The following CALD1 variants were observed in gnomAD, a reference collection of about 807,000 sequenced individuals.
CALD1 encodes the protein caldesmon.
Under a neutral mutation model 99.9 loss-of-function variants are expected in CALD1, and 33 were observed. The observed-to-expected ratio is 0.33, with a 90% confidence interval of 0.25 to 0.44. The LOEUF (loss-of-function observed/expected upper bound fraction) is 0.44, where lower values mean the gene tolerates loss of function less well. Among genes scored for constraint, CALD1 ranks in the 20% least tolerant of loss-of-function variants. The pLI is 1.00. For synonymous variants in CALD1, 310 were observed against 325.0 expected (o/e 0.95, Z 0.50); for missense variants, 861 against 962.1 (o/e 0.89, Z 1.39).
chr7:134,862,012 CAAT>C (rs1295296146), intron 2 of CALD1, among the ~76,000 whole-genome samples: 1 of 152,174 alleles, frequency 6.6e-6, no homozygotes. Context: ...AAAGCACTAA[CAAT>C]AAATTAACAG....
chr7:134,793,009 T>A (rs532230480), intron 1 of CALD1, among the ~76,000 whole-genome samples: 2 of 152,360 alleles, frequency 1.3e-5, no homozygotes, highest in South Asian at 4.1e-4. Flanking sequence ...AAGTACAGCT[T>A]CACATACTGT....
chr7:134,891,718 T>A, intron 3 of CALD1: 1 of 1,294,118 alleles, frequency 7.7e-7, no homozygotes, highest in Non-Finnish European at 1.1e-6. Context: ...TTCTTTTTTT[T>A]TTTTATAAAA....
At chr7:134,943,558 T>C (rs1350154894) in intron 7 of CALD1, among the ~76,000 whole-genome samples, 4 of 152,084 alleles carry the variant, frequency 2.6e-5, no homozygotes, top group African/African-American at 9.7e-5. Context: ...ATACCAAGGG[T>C]TTTATAGAAA....
intron 3 of CALD1, among the ~76,000 whole-genome samples, chr7:134,924,890 G>A (rs974415082): frequency 6.6e-6 from 1 of 151,994 alleles, no homozygotes; most frequent in Non-Finnish European, 1.5e-5. Context: ...GTTTTATAAG[G>A]GGGGGCTCTT....
intron 1 of CALD1, among the ~76,000 whole-genome samples, chr7:134,808,085 G>T (rs1029279927): frequency 6.8e-6 from 1 of 146,972 alleles, no homozygotes; most frequent in Non-Finnish European, 1.5e-5. Context: ...CATACATTTG[G>T]TAAAGTCCCC....
chr7:134,782,187 T>C (rs1250238957), intron 1 of CALD1, among the ~76,000 whole-genome samples: 1 of 152,216 alleles, frequency 6.6e-6, no homozygotes, highest in African/African-American at 2.4e-5. Flanking sequence ...GAGATGGGCA[T>C]GAAAAGAGAT....
intron 3 of CALD1, among the ~76,000 whole-genome samples, chr7:134,910,783 A>G (rs146733244): frequency 1.3e-4 from 20 of 152,346 alleles, no homozygotes; most frequent in African/African-American, 4.8e-4. Context: ...TTTCCTGTCC[A>G]TAATCACTTG....
At chr7:134,875,509 C>T (rs981039175) in intron 3 of CALD1, among the ~76,000 whole-genome samples, 6 of 152,146 alleles carry the variant, frequency 3.9e-5, no homozygotes, top group African/African-American at 9.7e-5. Flanking sequence ...TGGCAGTGGG[C>T]GCCTGCAATC....
intron 3 of CALD1, among the ~76,000 whole-genome samples, chr7:134,909,691 CA>C (rs376270840): frequency 8.1e-5 from 12 of 148,606 alleles, no homozygotes; most frequent in African/African-American, 1.5e-4. Context: ...AACGCAGTCT[CA>C]AAAAAAAAGG....
At chr7:134,785,356 T>C (rs1370806932) in intron 1 of CALD1, among the ~76,000 whole-genome samples, 2 of 152,218 alleles carry the variant, frequency 1.3e-5, no homozygotes, top group Admixed American at 6.5e-5. Flanking sequence ...AGAAACTTCA[T>C]ATGAATCTTC....
At chr7:134,911,245 G>T (rs1803791360) in intron 3 of CALD1, among the ~76,000 whole-genome samples, 1 of 147,484 alleles carries the variant, frequency 6.8e-6, no homozygotes, top group African/African-American at 2.5e-5. Flanking sequence ...TCACCTTCTG[G>T]AACTGATGGT....
intron 1 of CALD1, among the ~76,000 whole-genome samples, chr7:134,840,997 C>G (rs150070632): frequency 7.6e-4 from 115 of 152,306 alleles, no homozygotes; most frequent in African/African-American, 2.7e-3. Flanking sequence ...AAAAGCAACA[C>G]TCTTCTCTGA....
chr7:134,957,051 AC>A (rs1807829556), intron 9 of CALD1, among the ~76,000 whole-genome samples: 1 of 152,040 alleles, frequency 6.6e-6, no homozygotes, highest in Non-Finnish European at 1.5e-5. Flanking sequence ...TCTATGTCCA[AC>A]CCTGTTTCTC....
chr7:134,847,917 A>G (rs1799919671), intron 2 of CALD1, among the ~76,000 whole-genome samples: 1 of 152,214 alleles, frequency 6.6e-6, no homozygotes, highest in African/African-American at 2.4e-5. Flanking sequence ...GCTTTGAACC[A>G]AAAACTATCA....
At chr7:134,754,035 A>G (rs1639608487) in intron 1 of CALD1, among the ~76,000 whole-genome samples, 1 of 152,170 alleles carries the variant, frequency 6.6e-6, no homozygotes, top group Admixed American at 6.5e-5. Flanking sequence ...AGCCCTGACC[A>G]TATTTGTTTA....
intron 3 of CALD1, among the ~76,000 whole-genome samples, chr7:134,914,793 A>G (rs767924084): frequency 2.0e-5 from 3 of 152,142 alleles, no homozygotes; most frequent in South Asian, 2.1e-4. Context: ...CACTTTCTTT[A>G]TGAAGCCTCC....
At chr7:134,725,809 T>C in the CALD1 span, among the ~76,000 whole-genome samples, 96,712 of 151,950 alleles carry the variant, frequency 0.64, 31,215 homozygotes, top group East Asian at 0.89. Context: ...ATCATAAGAG[T>C]GAGGCAGGAG....
At chr7:134,824,393 C>T (rs1197423369) in intron 1 of CALD1, among the ~76,000 whole-genome samples, 2 of 152,212 alleles carry the variant, frequency 1.3e-5, no homozygotes, top group Non-Finnish European at 2.9e-5. Flanking sequence ...ATTCAAACAA[C>T]AGTGAATGAA....
intron 1 of CALD1, among the ~76,000 whole-genome samples, chr7:134,769,028 A>G (rs1796854624): frequency 6.6e-6 from 1 of 151,668 alleles, no homozygotes; most frequent in South Asian, 2.1e-4. Context: ...ATTATGTATA[A>G]TACCCCATCC....
Sources: gnomAD v4.1 joint callset for allele counts (sites outside exome capture counted in the v4.1 genomes callset) on GRCh38, gnomAD v4.1.1 for gene constraint, MANE v1.5 for transcripts, NCBI Gene and HGNC (gene_info 2026-07-23, HGNC 2026-07-21) for gene names.